Variants in KCNIP1 observed in about 807,000 individuals in gnomAD.
The protein encoded by KCNIP1 is potassium voltage-gated channel interacting protein 1, also known as A-type potassium channel modulatory protein KCNIP1.
Under a neutral mutation model 33.0 loss-of-function variants are expected in KCNIP1, and 18 were observed. That is an observed-to-expected ratio of 0.55 (90% confidence interval 0.38 to 0.81). The LOEUF (loss-of-function observed/expected upper bound fraction) is 0.81, where lower values mean the gene tolerates loss of function less well. Ranked by LOEUF, KCNIP1 falls within the 30% of genes least tolerant of loss-of-function variation. The pLI is 0.00. For missense variants in KCNIP1, 238 were observed against 271.6 expected, an observed-to-expected ratio of 0.88 and a Z score of 0.87; for synonymous variants, 93 against 98.3, an observed-to-expected ratio of 0.95 and a Z score of 0.32.
chr5:170,449,718 G>T (rs1581203197), intron 1 of KCNIP1, among the ~76,000 whole-genome samples: 1 of 152,170 alleles, frequency 6.6e-6, no homozygotes, highest in African/African-American at 2.4e-5. Flanking sequence ...GACACCAGTT[G>T]GGATTAGAAG....
intron 1 of KCNIP1, among the ~76,000 whole-genome samples, chr5:170,560,459 A>G (rs894001474): frequency 6.6e-6 from 1 of 151,728 alleles, no homozygotes; most frequent in Non-Finnish European, 1.5e-5. Flanking sequence ...TGAGCCTCTC[A>G]CCTCGTGACC....
At chr5:170,699,682 A>T (rs1763025898) in intron 1 of KCNIP1, among the ~76,000 whole-genome samples, 2 of 151,946 alleles carry the variant, frequency 1.3e-5, no homozygotes, top group Non-Finnish European at 2.9e-5. Flanking sequence ...TCTAAAGGGG[A>T]ATTGCCAGGT....
At chr5:170,620,105 T>C (rs1759544355) in intron 1 of KCNIP1, among the ~76,000 whole-genome samples, 1 of 152,222 alleles carries the variant, frequency 6.6e-6, no homozygotes, top group Non-Finnish European at 1.5e-5. Context: ...TACCATGCAA[T>C]ATGTTGTCAA....
At chr5:170,503,730 A>T (rs1388045332), upstream of KCNIP1, among the ~76,000 whole-genome samples, 1 of 21,238 alleles carries the variant, frequency 4.7e-5, no homozygotes, top group East Asian at 0.016. Context: ...CACATCACAC[A>T]CACACACACA....
chr5:170,659,096 G>A (rs1761379821), intron 1 of KCNIP1, among the ~76,000 whole-genome samples: 1 of 152,170 alleles, frequency 6.6e-6, no homozygotes, highest in Non-Finnish European at 1.5e-5. Flanking sequence ...CAAGGACCAA[G>A]TGGTACTTCT....
At chr5:170,574,520 A>G (rs963825849) in intron 1 of KCNIP1, among the ~76,000 whole-genome samples, 8 of 152,250 alleles carry the variant, frequency 5.3e-5, no homozygotes, top group Non-Finnish European at 4.4e-5. Context: ...CACACAGTTC[A>G]AAAACAATTA....
chr5:170,418,084 T>A (rs1463102218), intron 1 of KCNIP1, among the ~76,000 whole-genome samples: 2 of 152,184 alleles, frequency 1.3e-5, no homozygotes, highest in African/African-American at 4.8e-5. Flanking sequence ...ATTTTTTACA[T>A]CTCATCAGTG....
intron 1 of KCNIP1, among the ~76,000 whole-genome samples, chr5:170,431,700 G>A (rs565687122): frequency 1.5e-4 from 23 of 152,210 alleles, no homozygotes; most frequent in Non-Finnish European, 2.5e-4. Flanking sequence ...AGAGGTTGCC[G>A]GGGCATCCAG....
intron 1 of KCNIP1, among the ~76,000 whole-genome samples, chr5:170,665,181 A>C (rs937204310): frequency 6.6e-6 from 1 of 152,242 alleles, no homozygotes; most frequent in East Asian, 1.9e-4. Flanking sequence ...GAACAGACCC[A>C]GTGGCTTATT....
chr5:170,734,651 T>C (rs1764319507), intron 7 of KCNIP1, among the ~76,000 whole-genome samples: 4 of 152,178 alleles, frequency 2.6e-5, no homozygotes, highest in Admixed American at 2.6e-4. Context: ...CCCCACATTA[T>C]TTTAGAAATG....
intron 1 of KCNIP1, among the ~76,000 whole-genome samples, chr5:170,524,360 G>A (rs1755491369): frequency 6.6e-6 from 1 of 152,206 alleles, no homozygotes; most frequent in African/African-American, 2.4e-5. Flanking sequence ...GCATACATGT[G>A]TGGAAGGGAG....
chr5:170,570,852 G>A (rs547086755), intron 1 of KCNIP1, among the ~76,000 whole-genome samples: 1 of 152,310 alleles, frequency 6.6e-6, no homozygotes, highest in East Asian at 1.9e-4. Context: ...CTGAAAATCA[G>A]CTTACCTTTA....
chr5:170,681,775 G>A (rs1486161934), intron 1 of KCNIP1, among the ~76,000 whole-genome samples: 2 of 152,162 alleles, frequency 1.3e-5, no homozygotes, highest in African/African-American at 2.4e-5. Flanking sequence ...AGGTTAACCC[G>A]ATTGTTTAGG....
intron 1 of KCNIP1, among the ~76,000 whole-genome samples, chr5:170,568,811 C>G (rs1439656592): frequency 6.6e-6 from 1 of 151,830 alleles, no homozygotes; most frequent in Non-Finnish European, 1.5e-5. Flanking sequence ...TGACAGAATG[C>G]GACTCCATCT....
chr5:170,619,184 C>T (rs1759512300), intron 1 of KCNIP1, among the ~76,000 whole-genome samples: 1 of 152,214 alleles, frequency 6.6e-6, no homozygotes, highest in Non-Finnish European at 1.5e-5. Flanking sequence ...ACTTTTCCCT[C>T]ATCCTTCAGA....
At chr5:170,390,517 A>AAAAATATATATATATATATAT in intron 1 of KCNIP1, among the ~76,000 whole-genome samples, 1 of 74,546 alleles carries the variant, frequency 1.3e-5, no homozygotes, top group Non-Finnish European at 2.5e-5. Flanking sequence ...AAAAAAAACA[A>AAAAATATATATATATATATAT]ATATATATAT....
At chr5:170,586,205 G>A (rs147216252) in intron 1 of KCNIP1, among the ~76,000 whole-genome samples, 110 of 152,300 alleles carry the variant, frequency 7.2e-4, no homozygotes, top group Non-Finnish European at 1.2e-3. Context: ...TGGCTATTAT[G>A]ATCATCGATT....
At chr5:170,726,131 T>C (rs971469309) in intron 5 of KCNIP1, among the ~76,000 whole-genome samples, 1 of 152,220 alleles carries the variant, frequency 6.6e-6, no homozygotes, top group Non-Finnish European at 1.5e-5. Context: ...AAAAATTTTG[T>C]GCTTTAGAAG....
At chr5:170,551,067 G>A (rs1415901353) in intron 1 of KCNIP1, among the ~76,000 whole-genome samples, 1 of 152,192 alleles carries the variant, frequency 6.6e-6, no homozygotes, top group Non-Finnish European at 1.5e-5. Context: ...TCTGGGTACA[G>A]GCGCACTCAC....
Sources: allele counts gnomAD v4.1 joint callset (sites outside exome capture counted in the v4.1 genomes callset), GRCh38; gene constraint gnomAD v4.1.1; transcripts MANE v1.5; gene names NCBI Gene and HGNC (gene_info 2026-07-23, HGNC 2026-07-21).